ARHGAP45: variants seen among roughly 807,000 people sequenced by gnomAD.
ARHGAP45 encodes Rho GTPase activating protein 45.
Under a neutral mutation model 116.1 loss-of-function variants are expected in ARHGAP45, and 56 were observed. That is an observed-to-expected ratio of 0.48 (90% CI 0.39 to 0.60). The LOEUF is 0.60. ARHGAP45 is among the 20% of genes least tolerant of loss of function. The pLI, the probability that ARHGAP45 is intolerant of heterozygous loss-of-function variation, is 0.00. For synonymous variants in ARHGAP45, 866 were observed against 701.7 expected (o/e 1.23, Z -3.70); for missense variants, 1,622 against 1,601.0 (o/e 1.01, Z -0.22).
At chr19:1,075,026 CG>C in intron 10 of ARHGAP45, 147 bp downstream of exon 10, 13 of 456,846 alleles carry the variant, frequency 2.8e-5, no homozygotes, top group Non-Finnish European at 4.0e-5. Flanking sequence ...CAGGCTGGGC[CG>C]CCCCCCCCAA....
At chr19:1,079,179 C>CAA (rs566796533) in intron 11 of ARHGAP45, among the ~76,000 whole-genome samples, 110 of 125,436 alleles carry the variant, frequency 8.8e-4, no homozygotes, top group East Asian at 1.5e-3. Flanking sequence ...GACTCTGTCT[C>CAA]AAAAAAAAAA....
intron 6 of ARHGAP45, 27 bp from the exon 7 acceptor site, chr19:1,074,077 G>T: frequency 1.2e-6 from 2 of 1,608,482 alleles, no homozygotes; most frequent in Non-Finnish European, 1.7e-6. Flanking sequence ...GGTCGGGCCA[G>T]GCTGAGCAGG....
In ARHGAP45 at chr19:1,084,241, G is replaced by A. The variant is rs372197831; in HGVS notation, c.2959G>A (p.Glu987Lys). 25 of 1,613,520 alleles carry A rather than the reference G, an allele frequency of 1.5e-5. No individual in the cohort carries two copies. The highest frequency in any genetic ancestry group is 5.0e-5 in the Admixed American group (3 of 59,992). The part of the protein sequence containing the change: ...EPEETPGGQD[E>K]SSNQRAEVVV... ...GACTTCCGTTCTGCACTTGCAGGAC[G>A]AGTCATCCAACCAGCGAGCTGAGGT... The change falls in exon 22 of 23, where the codon GAG becomes AAG. Residue 987 changes from glutamate (E) to lysine (K), a missense_variant. Physicochemically the swap from Glu to Lys is moderately conservative, Grantham distance 56. Around this residue, in one of 3 missense-constraint regions of ARHGAP45, gnomAD observed 1,334 missense variants for 1,263.8 expected, o/e 1.06. Coordinates refer to ENST00000313093, the MANE Select transcript of ARHGAP45 (RefSeq NM_012292.5).
intron 1 of ARHGAP45, 123 bp downstream of exon 1, chr19:1,067,618 CG>C: frequency 1.0e-6 from 1 of 952,400 alleles, no homozygotes; most frequent in Non-Finnish European, 1.6e-6. Context: ...CAGCCCCTAC[CG>C]GGCGGGACGG....
rs759776995 is a variant in ARHGAP45, at chr19:1,086,610, T to TA, written c.*609dup. On this transcript the variant is annotated 3_prime_UTR_variant, in exon 23 of 23. Coordinates refer to ENST00000313093, the MANE Select transcript of ARHGAP45 (RefSeq NM_012292.5). ...CACAGGCACGTTTATTTTGCTGAAA[T>TA]AAAAAGTTTTTAATCGGGTGTTTTC... 9.2e-5 allele frequency: 14 copies of TA among 151,830 alleles called. No homozygotes were observed. Among genetic ancestry groups the TA allele is most frequent in the African/African-American group, 3.4e-4 (14 of 41,392 alleles). 9.4% of individuals were successfully genotyped at this position (151,830 alleles called of 1,614,324 possible). A position where few individuals can be genotyped will look rare whatever the true frequency, so the allele number is the denominator to read the frequency against.
rs1334173072 is a variant in ARHGAP45 at position 1,068,262 on chromosome 19, T to G, written c.91-152T>G. ...TTGGGTAACAGGTGGGGGGGTACAC[T>G]ACCAAATCTCGGCCCTGTGACCTCT... On this transcript the variant is annotated intron_variant, in intron 1 of 22. Transcript: ENST00000313093. The surrounding 1 kb of genome is among the most constrained non-coding windows in gnomAD (Gnocchi z 7.5). 1 of 629,232 alleles carries G rather than the reference T, an allele frequency of 1.6e-6. No homozygotes were observed. The highest frequency in any genetic ancestry group is 1.9e-5 in the African/African-American group (1 of 52,332). The allele number at this position is 629,232 out of a possible 1,614,324, so 39.0% of individuals were successfully genotyped here.
Position 1,068,104 on chromosome 19 carries a change from G to GC in ARHGAP45, c.91-309dup, listed in dbSNP as rs2043073506. ...CCTGCGTTGTAGGAGCCTGAGGGGG[G>GC]CTTGAAGGGCTGAGGACCCTCCCCA... On this transcript the variant is annotated intron_variant, in intron 1 of 22. Coordinates refer to ENST00000313093, the MANE Select transcript of ARHGAP45 (RefSeq NM_012292.5). This position sits in a 1 kb window ranked among gnomAD's most constrained non-coding sequence, Gnocchi z 7.5. 6.6e-6 allele frequency among the ~76,000 whole-genome samples: 1 copy of GC among 151,962 alleles called. No homozygotes were observed. The highest frequency in any genetic ancestry group is 1.5e-5 in the Non-Finnish European group (1 of 67,970).
At chr19:1,066,383 G>T, upstream of ARHGAP45, 1 of 577,790 alleles carries the variant, frequency 1.7e-6, no homozygotes, top group South Asian at 2.0e-5. Context: ...GGGTGCCTGC[G>T]TCCTGCTGCC....
intron 17 of ARHGAP45, chr19:1,081,314 T>C (rs2043427153): frequency 1.6e-6 from 1 of 638,066 alleles, no homozygotes; most frequent in Non-Finnish European, 2.6e-6. Flanking sequence ...CCAGAAGACC[T>C]GGAGGGCAAA....
intron 1 of ARHGAP45, 84 bp downstream of exon 1, chr19:1,067,579 GGGC>G: frequency 1.5e-6 from 2 of 1,339,324 alleles, no homozygotes; most frequent in Non-Finnish European, 2.1e-6. Context: ...GCTCATGCTG[GGGC>G]GGCGGCTGGG....
In ARHGAP45 at chr19:1,071,401, G is replaced by A; in HGVS notation, c.422-1748G>A. On this transcript the variant is annotated intron_variant, in intron 2 of 22. Transcript: ENST00000313093. This position sits in a 1 kb window ranked among gnomAD's most constrained non-coding sequence, Gnocchi z 4.6. Reference sequence around the variant, plus strand: ...GGGCGCTGGGTCCCGCCGCGTCCGGGAGCACGTGGCGCTCGGGCCGTTTGC... The same window carrying A: ...GGGCGCTGGGTCCCGCCGCGTCCGGAAGCACGTGGCGCTCGGGCCGTTTGC... 5 of 1,159,950 alleles carry A rather than the reference G, an allele frequency of 4.3e-6. No individual in the cohort carries two copies. The highest frequency in any genetic ancestry group is 4.3e-6 in the Non-Finnish European group (4 of 940,250). 71.9% of individuals were successfully genotyped at this position (1,159,950 alleles called of 1,614,324 possible).
chr19:1,085,541 G>GTCTCTCCCCA (rs2043593979), intron 22 of ARHGAP45, 119 bp from the exon 23 acceptor site: 11 of 666,436 alleles, frequency 1.7e-5, no homozygotes, highest in South Asian at 6.0e-5. Context: ...CATCTCTCCT[G>GTCTCTCCCCA]TCTCTCCATC....
intron 2 of ARHGAP45, among the ~76,000 whole-genome samples, chr19:1,072,345 G>A (rs2043156328): frequency 2.0e-5 from 3 of 152,204 alleles, no homozygotes. Flanking sequence ...CAGGCATGAG[G>A]CACTGTGCTT....
Position 1,081,905 on chromosome 19 carries a change from C to T in ARHGAP45, c.2461C>T (p.Leu821=). 6.2e-7 allele frequency: 1 copy of T among 1,613,060 alleles called. No homozygotes were observed. The highest frequency in any genetic ancestry group is 1.1e-5 in the South Asian group (1 of 91,052). Residue 821 remains leucine, a synonymous_variant, in exon 19 of 23, where the codon CTG becomes TTG. Transcript: ENST00000313093. Reference sequence around the variant, plus strand: ...CGAGAACGGCAAGGAGCTGGTCGAGCTGTCGCAGGCCTCGCCCCACGACAT... The same window carrying T: ...CGAGAACGGCAAGGAGCTGGTCGAGTTGTCGCAGGCCTCGCCCCACGACAT... ...AFENGKELVE[L]SQASPHDISN...
Position 1,073,304 on chromosome 19 carries a change from G to A in ARHGAP45, c.565+12G>A. 1.9e-6 allele frequency: 3 copies of A among 1,612,470 alleles called. No homozygotes were observed. The highest frequency in any genetic ancestry group is 2.5e-6 in the Non-Finnish European group (3 of 1,179,604). Reference sequence around the variant, plus strand: ...TGCCAAGGTCAAAGGTCAGCCTGCTGGAACAGGGCTGCGAGGGCTCTCTGC... The same window carrying A: ...TGCCAAGGTCAAAGGTCAGCCTGCTAGAACAGGGCTGCGAGGGCTCTCTGC... On this transcript the variant is annotated intron_variant, in intron 3 of 22. Transcript: ENST00000313093.
intron 22 of ARHGAP45, among the ~76,000 whole-genome samples, 176 bp from the exon 23 acceptor site, chr19:1,085,484 C>T (rs571124804): frequency 2.0e-5 from 3 of 150,744 alleles, no homozygotes; most frequent in East Asian, 1.9e-4. Context: ...GTCTCTCCAT[C>T]TGTCTGTCCC....
intron 12 of ARHGAP45, 39 bp from the exon 13 acceptor site, chr19:1,079,889 C>T: frequency 6.3e-7 from 1 of 1,593,820 alleles, no homozygotes; most frequent in Non-Finnish European, 8.6e-7. Flanking sequence ...GACCGGGCGG[C>T]CTCCTCCTGA....
intron 10 of ARHGAP45, among the ~76,000 whole-genome samples, chr19:1,076,038 G>A (rs777018204): frequency 2.0e-5 from 3 of 152,088 alleles, no homozygotes; most frequent in Non-Finnish European, 4.4e-5. Flanking sequence ...CCTTTTTTCG[G>A]CTGTGCAGGG....
chr19:1,072,044 CCTTTTCTTTCTTT>C (rs1168048898), intron 2 of ARHGAP45, among the ~76,000 whole-genome samples: 1 of 142,768 alleles, frequency 7.0e-6, no homozygotes, highest in Non-Finnish European at 1.6e-5. Flanking sequence ...TCTTTTCTTT[CCTTTTCTTTCTTT>C]CTTTTCTTTC....
Sources: allele counts gnomAD v4.1 joint callset (sites outside exome capture counted in the v4.1 genomes callset), GRCh38; gene constraint gnomAD v4.1.1; regional missense constraint gnomAD v4.1.1; non-coding constraint Gnocchi (gnomAD v3.1); transcripts MANE v1.5; gene names NCBI Gene and HGNC (gene_info 2026-07-23, HGNC 2026-07-21).